The following LRMDA variants were observed in gnomAD, a reference collection of about 807,000 sequenced individuals.
LRMDA encodes the protein leucine rich melanocyte differentiation associated.
In LRMDA, 18 loss-of-function variants were observed where a neutral mutation model predicts 29.8. The observed-to-expected ratio is 0.60, with a 90% CI of 0.42 to 0.90. The LOEUF (loss-of-function observed/expected upper bound fraction) is 0.90. Among genes scored for constraint, LRMDA ranks in the 40% least tolerant of loss-of-function variants. The pLI is 0.00. For missense variants in LRMDA, 273 were observed against 273.9 expected, an observed-to-expected ratio of 1.00 and a Z score of 0.02; for synonymous variants, 125 against 109.4, an observed-to-expected ratio of 1.14 and a Z score of -0.89.
At chr10:76,441,263 A>G (rs1179613673) in intron 6 of LRMDA, among the ~76,000 whole-genome samples, 1 of 152,218 alleles carries the variant, frequency 6.6e-6, no homozygotes, top group Non-Finnish European at 1.5e-5. Flanking sequence ...TAGTTTCTAA[A>G]GCAAACAGAA....
intron 5 of LRMDA, among the ~76,000 whole-genome samples, chr10:76,163,499 C>CT (rs1188436843): frequency 2.0e-5 from 3 of 151,442 alleles, no homozygotes; most frequent in South Asian, 2.1e-4. Context: ...AGAAAGTAAA[C>CT]TTTTTTTTTC....
At position 76,133,312 on chromosome 10, in the gene LRMDA, G is replaced by GT. The variant is rs1163963221; in HGVS notation, c.516+74535dup. On this transcript the variant is annotated intron_variant, in intron 5 of 6. Coordinates refer to ENST00000611255, the MANE Select transcript of LRMDA (RefSeq NM_001305581.2). ...AATTTTCTTAAGAAAGCAGTAAGTG[G>GT]TTTTTTCCTTGTATGCAGGTAGCAC... Among the ~76,000 whole-genome samples the GT allele has an allele frequency of 3.3e-5, 5 of 152,122 alleles. No homozygotes were observed. The South Asian group carries it at 8.3e-4, about 25-fold the overall frequency.
intron 2 of LRMDA, among the ~76,000 whole-genome samples, chr10:75,771,778 T>G (rs937576099): frequency 8.6e-5 from 13 of 151,080 alleles, no homozygotes; most frequent in East Asian, 5.8e-4. Context: ...GGTGGGGGGG[T>G]TTTGTGAAGA....
intron 5 of LRMDA, among the ~76,000 whole-genome samples, chr10:76,179,631 G>A (rs1851007545): frequency 6.6e-6 from 1 of 152,214 alleles, no homozygotes; most frequent in Non-Finnish European, 1.5e-5. Context: ...CCACACTGCA[G>A]CATAGGGAGA....
At chr10:76,528,078 T>C (rs1564567535) in intron 6 of LRMDA, among the ~76,000 whole-genome samples, 1 of 152,162 alleles carries the variant, frequency 6.6e-6, no homozygotes, top group Non-Finnish European at 1.5e-5. Context: ...CCTGGTGCTA[T>C]GGAGTGGATT....
chr10:75,542,382 A>T (rs1027340926), intron 2 of LRMDA, among the ~76,000 whole-genome samples: 2 of 152,226 alleles, frequency 1.3e-5, no homozygotes, highest in African/African-American at 4.8e-5. Context: ...GCACTTTCAC[A>T]GAGTTAATAA....
At chr10:76,531,402 T>G (rs939190772) in intron 6 of LRMDA, among the ~76,000 whole-genome samples, 2 of 152,240 alleles carry the variant, frequency 1.3e-5, no homozygotes, top group African/African-American at 4.8e-5. Flanking sequence ...CTTTTGATAC[T>G]AAATATGATG....
At chr10:76,051,384 C>T (rs756614307) in intron 4 of LRMDA, among the ~76,000 whole-genome samples, 2 of 152,194 alleles carry the variant, frequency 1.3e-5, no homozygotes, top group Non-Finnish European at 1.5e-5. Context: ...AACATGCTGC[C>T]GGTGAACTGT....
chr10:75,770,634 A>G (rs1453814832), intron 2 of LRMDA, among the ~76,000 whole-genome samples: 1 of 152,194 alleles, frequency 6.6e-6, no homozygotes, highest in African/African-American at 2.4e-5. Flanking sequence ...GAATTGTGTA[A>G]TTGGAAAATA....
chr10:75,961,400 G>A (rs1846763477), intron 2 of LRMDA, among the ~76,000 whole-genome samples: 1 of 152,200 alleles, frequency 6.6e-6, no homozygotes, highest in South Asian at 2.1e-4. Context: ...CAATTCACAG[G>A]TACATGTGTT....
chr10:76,137,522 G>A (rs1207577646), intron 5 of LRMDA, among the ~76,000 whole-genome samples: 1 of 152,080 alleles, frequency 6.6e-6, no homozygotes, highest in Non-Finnish European at 1.5e-5. Context: ...TTATTTACTT[G>A]ATCAAATTTT....
chr10:76,457,445 G>C (rs1842468028), intron 6 of LRMDA, among the ~76,000 whole-genome samples: 1 of 152,118 alleles, frequency 6.6e-6, no homozygotes, highest in Non-Finnish European at 1.5e-5. Flanking sequence ...TTTCGTTGCA[G>C]CTCTCAGACT....
chr10:76,409,400 C>T (rs1016696306), intron 6 of LRMDA, among the ~76,000 whole-genome samples: 2 of 152,084 alleles, frequency 1.3e-5, no homozygotes, highest in Admixed American at 1.3e-4. Flanking sequence ...AAATAGCAAC[C>T]TCTGGCACAA....
In LRMDA at chr10:76,322,731, G is replaced by T. The variant is rs115842836; in HGVS notation, c.517-1670G>T. On this transcript the variant is annotated intron_variant, in intron 5 of 6. Coordinates refer to ENST00000611255, the MANE Select transcript of LRMDA (RefSeq NM_001305581.2). ...ACACAACAAACTAAAACTCATGTTG[G>T]ATTTTTGGGTCTTTTTTTTAGCAAT... 1.2e-3 allele frequency among the ~76,000 whole-genome samples: 189 copies of T among 152,266 alleles called. 1 individual carries two copies. The highest frequency in any genetic ancestry group is 4.4e-3 in the African/African-American group (182 of 41,558).
intron 5 of LRMDA, among the ~76,000 whole-genome samples, chr10:76,297,786 C>T (rs1840429613): frequency 6.6e-6 from 1 of 152,092 alleles, no homozygotes; most frequent in South Asian, 2.1e-4. Context: ...AAAATGATTT[C>T]CCCCTCCCCC....
chr10:76,327,446 A>G (rs779786342), intron 6 of LRMDA, among the ~76,000 whole-genome samples: 10 of 152,112 alleles, frequency 6.6e-5, no homozygotes, highest in Non-Finnish European at 1.5e-4. Context: ...CAGCTTACAT[A>G]TCACAGCTCC....
chr10:75,513,625 C>CT (rs1227383864), intron 2 of LRMDA, among the ~76,000 whole-genome samples: 2 of 152,334 alleles, frequency 1.3e-5, no homozygotes, highest in South Asian at 2.1e-4. Flanking sequence ...CCTCTTCCCT[C>CT]TGGAGGCTGT....
chr10:76,514,696 G>A (rs1428925880), intron 6 of LRMDA, among the ~76,000 whole-genome samples: 1 of 152,116 alleles, frequency 6.6e-6, no homozygotes, highest in Non-Finnish European at 1.5e-5. Flanking sequence ...CTGCCCAGAT[G>A]TGAGGCTGGG....
At chr10:76,526,779 G>C (rs533149526) in intron 6 of LRMDA, among the ~76,000 whole-genome samples, 35 of 139,876 alleles carry the variant, frequency 2.5e-4, no homozygotes, top group Non-Finnish European at 4.4e-4. Flanking sequence ...TCCCACCTAT[G>C]AGTGAGAATA....
Sources: allele counts gnomAD v4.1 joint callset (sites outside exome capture counted in the v4.1 genomes callset), GRCh38; gene constraint gnomAD v4.1.1; transcripts MANE v1.5; gene names NCBI Gene and HGNC (gene_info 2026-07-23, HGNC 2026-07-21).